UBE2U: variants seen among roughly 807,000 people sequenced by gnomAD.
UBE2U encodes ubiquitin conjugating enzyme E2 U.
A neutral mutation model predicts 41.2 loss-of-function variants in UBE2U; 39 were observed. The ratio of observed to expected loss-of-function variants is 0.95; its 90% CI spans 0.73 to 1.24. The LOEUF (loss-of-function observed/expected upper bound fraction) is 1.24, where lower values mean the gene tolerates loss of function less well. UBE2U is among the 50% of genes most tolerant of loss of function. The pLI, the probability that UBE2U is intolerant of heterozygous loss-of-function variation, is 0.00. For missense variants in UBE2U, 336 were observed against 363.1 expected (o/e 0.93, Z 0.61); for synonymous variants, 107 against 117.8 (o/e 0.91, Z 0.60).
intron 8 of UBE2U, among the ~76,000 whole-genome samples, chr1:64,250,814 C>CA (rs1175079449): frequency 1.3e-5 from 2 of 149,628 alleles, no homozygotes; most frequent in African/African-American, 2.5e-5. Flanking sequence ...ATTGCAAGGA[C>CA]AAAAAACCAA....
At chr1:64,221,215 G>A (rs190484086) in intron 6 of UBE2U, among the ~76,000 whole-genome samples, 176 of 152,138 alleles carry the variant, frequency 1.2e-3, no homozygotes, top group South Asian at 2.1e-3. Context: ...CGGTTCAAGC[G>A]ATTCTCCTGC....
At chr1:64,239,142 AAG>A (rs1348154182) in intron 7 of UBE2U, among the ~76,000 whole-genome samples, 1 of 26,480 alleles carries the variant, frequency 3.8e-5, no homozygotes, top group Non-Finnish European at 6.7e-5. Flanking sequence ...GAAGAAGAAG[AAG>A]AAGAAGAAGA....
At chr1:64,237,682 A>T (rs1040244584) in intron 7 of UBE2U, among the ~76,000 whole-genome samples, 14 of 152,210 alleles carry the variant, frequency 9.2e-5, no homozygotes, top group African/African-American at 3.1e-4. Context: ...ATGAGTGAAA[A>T]AAAACCATGG....
At chr1:64,222,266 G>C (rs1652545159) in intron 6 of UBE2U, among the ~76,000 whole-genome samples, 1 of 152,036 alleles carries the variant, frequency 6.6e-6, no homozygotes, top group Non-Finnish European at 1.5e-5. Context: ...GCATAAAATA[G>C]GCCTATGATA....
At chr1:64,212,868 CA>C (rs1651745131) in intron 4 of UBE2U, among the ~76,000 whole-genome samples, 1 of 152,178 alleles carries the variant, frequency 6.6e-6, no homozygotes, top group East Asian at 1.9e-4. Flanking sequence ...AAGAGTAATG[CA>C]AAGTGACACC....
intron 5 of UBE2U, among the ~76,000 whole-genome samples, chr1:64,219,740 C>T (rs1017227734): frequency 5.9e-5 from 9 of 151,952 alleles, no homozygotes; most frequent in South Asian, 2.1e-4. Flanking sequence ...GGACTACAGG[C>T]GCCCGCCACC....
chr1:64,224,925 T>C (rs1652759930), intron 6 of UBE2U, among the ~76,000 whole-genome samples: 1 of 136,630 alleles, frequency 7.3e-6, no homozygotes, highest in African/African-American at 3.1e-5. Context: ...AAATACTGTA[T>C]AGGATATTAT....
chr1:64,225,142 A>G (rs1386174293), intron 6 of UBE2U, among the ~76,000 whole-genome samples: 1 of 152,224 alleles, frequency 6.6e-6, no homozygotes, highest in Non-Finnish European at 1.5e-5. Context: ...AAGTACATAG[A>G]AAGTAATTAT....
chr1:64,244,216 G>T, intron 8 of UBE2U: 2 of 1,572,254 alleles, frequency 1.3e-6, no homozygotes, highest in South Asian at 1.2e-5. Context: ...TAACCACTCT[G>T]AACTTGTTTT....
chr1:64,240,788 G>C (rs551662903), intron 7 of UBE2U, among the ~76,000 whole-genome samples: 1 of 151,890 alleles, frequency 6.6e-6, no homozygotes, highest in Non-Finnish European at 1.5e-5. Context: ...TTGAGACAGG[G>C]TCTCACTCTG....
At chr1:64,253,250 A>G (rs1036068825) in intron 8 of UBE2U, among the ~76,000 whole-genome samples, 3 of 152,190 alleles carry the variant, frequency 2.0e-5, no homozygotes, top group Admixed American at 6.5e-5. Context: ...AAACTCTGAG[A>G]TATATGGGAT....
chr1:64,206,697 G>A (rs530789665), intron 2 of UBE2U, 67 bp from the exon 3 acceptor site: 1 of 948,846 alleles, frequency 1.1e-6, no homozygotes, highest in Non-Finnish European at 1.6e-6. Context: ...AAACTCCAGT[G>A]TTAATCAGGT....
At chr1:64,224,631 G>T (rs1368175113) in intron 6 of UBE2U, among the ~76,000 whole-genome samples, 1 of 151,982 alleles carries the variant, frequency 6.6e-6, no homozygotes, top group Non-Finnish European at 1.5e-5. Context: ...GCTGAGTCAG[G>T]AGAATCGCTT....
At chr1:64,222,091 C>CA (rs10632119) in intron 6 of UBE2U, among the ~76,000 whole-genome samples, 28,330 of 97,912 alleles carry the variant, frequency 0.29, 6,595 homozygotes, top group African/African-American at 0.61. Context: ...GACTCCATCT[C>CA]AAAAAAAAAA....
Position 64,210,758 on chromosome 1 carries a change from T to C in UBE2U, c.258T>C (p.Gly86=). Residue 86 remains glycine (G), a synonymous_variant, in exon 4 of 10, where the codon GGT becomes GGC. Transcript: ENST00000371077. ...PFHPNVDPHT[G]QPCIDFLDNP... Reference sequence around the variant, plus strand: ...TTAATACAGTAGACCCACACACTGGTCAGCCCTGTATAGACTTTTTGGACA... The same window carrying C: ...TTAATACAGTAGACCCACACACTGGCCAGCCCTGTATAGACTTTTTGGACA... 6.3e-7 allele frequency: 1 copy of C among 1,587,064 alleles called. No homozygotes were observed. The highest frequency in any genetic ancestry group is 8.6e-7 in the Non-Finnish European group (1 of 1,165,186).
At chr1:64,229,009 C>T (rs183755042) in intron 6 of UBE2U, among the ~76,000 whole-genome samples, 14 of 152,066 alleles carry the variant, frequency 9.2e-5, no homozygotes, top group Admixed American at 5.2e-4. Flanking sequence ...TACAGGCACA[C>T]GCCATCATGC....
rs760560349 is a variant in UBE2U at position 64,263,534 on chromosome 1, C to A, written c.769+2840C>A. On this transcript the variant is annotated intron_variant, in intron 9 of 9. Coordinates refer to ENST00000371077, the MANE Select transcript of UBE2U (RefSeq NM_001366232.2). ...CACCTATTGACCTGCTGACATGTGA[C>A]CAAAACAAATACTTATTGCTGTATG... Among the ~76,000 whole-genome samples the A allele has an allele frequency of 5.5e-4, 83 of 152,130 alleles. 2 individuals are homozygous for A. Among genetic ancestry groups the A allele is most frequent in the Admixed American group, 2.0e-4 (3 of 15,282 alleles).
intron 3 of UBE2U, among the ~76,000 whole-genome samples, chr1:64,209,476 G>C (rs1333688757): frequency 6.6e-6 from 1 of 152,192 alleles, no homozygotes; most frequent in Non-Finnish European, 1.5e-5. Context: ...AACTTAGGCA[G>C]GCCTTCGGTT....
At chr1:64,251,048 A>G (rs1208881266) in intron 8 of UBE2U, among the ~76,000 whole-genome samples, 2 of 151,938 alleles carry the variant, frequency 1.3e-5, no homozygotes, top group Non-Finnish European at 2.9e-5. Context: ...ATGTACCCTA[A>G]AACTTAAAGT....
Sources: allele counts gnomAD v4.1 joint callset (sites outside exome capture counted in the v4.1 genomes callset), GRCh38; gene constraint gnomAD v4.1.1; transcripts MANE v1.5; gene names NCBI Gene and HGNC (gene_info 2026-07-23, HGNC 2026-07-21).